The following MCM9 variants were observed in gnomAD, a reference collection of about 807,000 sequenced individuals.
The protein encoded by MCM9 is DNA helicase MCM9.
MCM9 carries 55 observed loss-of-function variants against 72.8 expected under a neutral mutation model. The ratio of observed to expected loss-of-function variants is 0.76; its 90% CI spans 0.61 to 0.95. MCM9 has a LOEUF of 0.95. Ranked by LOEUF, MCM9 falls within the 40% of genes least tolerant of loss-of-function variation. The pLI is 0.00. For synonymous variants in MCM9, 480 were observed against 503.4 expected (o/e 0.95, Z 0.62); for missense variants, 1,279 against 1,377.0 (o/e 0.93, Z 1.13).
intron 8 of MCM9, among the ~76,000 whole-genome samples, chr6:118,896,352 G>A (rs1223841948): frequency 6.6e-6 from 1 of 152,038 alleles, no homozygotes; most frequent in Non-Finnish European, 1.5e-5. Flanking sequence ...CTGTTTTTCA[G>A]ATATACCACC....
At chr6:118,855,656 T>C (rs1464499951) in intron 9 of MCM9, among the ~76,000 whole-genome samples, 1 of 152,212 alleles carries the variant, frequency 6.6e-6, no homozygotes, top group Non-Finnish European at 1.5e-5. Flanking sequence ...GCCCTACCTG[T>C]CTGATCAGTT....
chr6:118,854,472 C>T (rs1294322424), intron 9 of MCM9, among the ~76,000 whole-genome samples: 1 of 152,242 alleles, frequency 6.6e-6, no homozygotes, highest in East Asian at 1.9e-4. Flanking sequence ...CCTGCCTCAG[C>T]CTCCCGAGTT....
chr6:118,822,940 G>A (rs898622983), intron 13 of MCM9, among the ~76,000 whole-genome samples: 5 of 152,126 alleles, frequency 3.3e-5, no homozygotes, highest in African/African-American at 1.2e-4. Flanking sequence ...TCAAGCCTCA[G>A]TAACGGGGGA....
At chr6:118,933,226 G>C (rs1024418241) in intron 1 of MCM9, among the ~76,000 whole-genome samples, 1 of 152,134 alleles carries the variant, frequency 6.6e-6, no homozygotes, top group Non-Finnish European at 1.5e-5. Context: ...GGGGCCGGGC[G>C]CAGTGGCTCA....
At chr6:118,833,573 T>C (rs1313692028) in intron 9 of MCM9, among the ~76,000 whole-genome samples, 2 of 152,210 alleles carry the variant, frequency 1.3e-5, no homozygotes, top group East Asian at 1.9e-4. Context: ...ACGCGGTCTA[T>C]ACACACAATG....
chr6:118,910,988 G>T, intron 8 of MCM9: 1 of 985,238 alleles, frequency 1.0e-6, no homozygotes, highest in East Asian at 1.1e-4. Flanking sequence ...GTTTTCAGAA[G>T]AACAGAAACA....
chr6:118,835,313 G>A (rs1403460408), intron 9 of MCM9, among the ~76,000 whole-genome samples: 1 of 152,134 alleles, frequency 6.6e-6, no homozygotes, highest in Non-Finnish European at 1.5e-5. Flanking sequence ...TTTTTGCTTA[G>A]GATTGTCTTG....
At chr6:118,857,129 C>T (rs970241780) in intron 8 of MCM9, among the ~76,000 whole-genome samples, 8 of 152,152 alleles carry the variant, frequency 5.3e-5, no homozygotes, top group Middle Eastern at 3.4e-3. Flanking sequence ...GTCCTCTGGT[C>T]GAGTGGTCTA....
chr6:118,837,484 T>C (rs1775042705), intron 9 of MCM9, among the ~76,000 whole-genome samples: 1 of 152,210 alleles, frequency 6.6e-6, no homozygotes, highest in Non-Finnish European at 1.5e-5. Context: ...AGTCTCCCAC[T>C]ATTATTGTGT....
chr6:118,892,173 C>A (rs1268244986), intron 8 of MCM9, among the ~76,000 whole-genome samples: 1 of 152,144 alleles, frequency 6.6e-6, no homozygotes. Flanking sequence ...GCTCAACGAC[C>A]CTTTAGTATT....
At chr6:118,860,345 G>A (rs1776822966) in intron 8 of MCM9, among the ~76,000 whole-genome samples, 1 of 152,134 alleles carries the variant, frequency 6.6e-6, no homozygotes, top group Non-Finnish European at 1.5e-5. Flanking sequence ...GATAAAGAAT[G>A]CCTTTAATGG....
intron 3 of MCM9, among the ~76,000 whole-genome samples, chr6:118,924,386 G>T (rs1403149407): frequency 6.6e-6 from 1 of 152,044 alleles, no homozygotes. Context: ...CAAATAGCTA[G>T]AAGTTATAAT....
At chr6:118,897,830 AAAAAAAACAAC>A (rs1779534482) in intron 8 of MCM9, among the ~76,000 whole-genome samples, 7 of 151,924 alleles carry the variant, frequency 4.6e-5, no homozygotes. Flanking sequence ...CTGGGTTAAA[AAAAAAAACAAC>A]AAAAAAACTG....
At chr6:118,864,171 C>A (rs1419300482) in intron 8 of MCM9, among the ~76,000 whole-genome samples, 1 of 152,068 alleles carries the variant, frequency 6.6e-6, no homozygotes, top group Non-Finnish European at 1.5e-5. Context: ...CTGAGCACTA[C>A]ACACTGTACC....
chr6:118,934,977 G>A lies in MCM9; in HGVS notation c.-236C>T, dbSNP rs1782792196. The A allele has an allele frequency of 6.6e-6, 1 of 152,248 alleles. No individual in the cohort carries two copies. The highest frequency in any genetic ancestry group is 2.1e-4 in the South Asian group (1 of 4,834). 9.4% of individuals were successfully genotyped at this position (152,248 alleles called of 1,614,324 possible). A position where few individuals can be genotyped will look rare whatever the true frequency, so the allele number is the denominator to read the frequency against. ...CAGCCAGGCAGCGGGTTCGTCTCCG[G>A]CGCAAGAAGGCTGGTGAGGCGGAGT... On this transcript the variant is annotated 5_prime_UTR_variant, in exon 1 of 14. Coordinates refer to ENST00000619706, the MANE Select transcript of MCM9 (RefSeq NM_017696.3).
chr6:118,884,381 TTAAG>T (rs1305221672), intron 8 of MCM9, among the ~76,000 whole-genome samples: 1 of 151,906 alleles, frequency 6.6e-6, no homozygotes, highest in African/African-American at 2.4e-5. Flanking sequence ...CACTGATACA[TTAAG>T]TAAGCCCTAT....
intron 8 of MCM9, among the ~76,000 whole-genome samples, chr6:118,889,371 T>C (rs1778804330): frequency 6.6e-6 from 1 of 152,264 alleles, no homozygotes; most frequent in African/African-American, 2.4e-5. Context: ...CATTTGTCTC[T>C]ATAGTAACCA....
intron 8 of MCM9, among the ~76,000 whole-genome samples, chr6:118,888,048 A>G (rs1038140071): frequency 3.9e-5 from 6 of 152,360 alleles, no homozygotes; most frequent in Non-Finnish European, 8.8e-5. Flanking sequence ...TTTAGCCATC[A>G]GGGAAATATA....
At chr6:118,884,508 T>A (rs958404415) in intron 8 of MCM9, among the ~76,000 whole-genome samples, 49 of 150,054 alleles carry the variant, frequency 3.3e-4, no homozygotes, top group Non-Finnish European at 5.5e-4. Flanking sequence ...AAAAGGAATT[T>A]AAAAAAAAAC....
Sources: allele counts gnomAD v4.1 joint callset (sites outside exome capture counted in the v4.1 genomes callset), GRCh38; gene constraint gnomAD v4.1.1; transcripts MANE v1.5; gene names NCBI Gene and HGNC (gene_info 2026-07-23, HGNC 2026-07-21).